Variants in ERICH6B observed in about 807,000 individuals in gnomAD.
ERICH6B encodes the protein glutamate rich 6B.
A neutral mutation model predicts 80.0 loss-of-function variants in ERICH6B; 69 were observed. The observed-to-expected ratio is 0.86, with a 90% confidence interval of 0.71 to 1.05. The LOEUF (loss-of-function observed/expected upper bound fraction) is 1.05, where lower values mean the gene tolerates loss of function less well. Among genes scored for constraint, ERICH6B ranks in the 50% least tolerant of loss-of-function variants. The pLI is 0.00. For synonymous variants in ERICH6B, 283 were observed against 291.9 expected, an observed-to-expected ratio of 0.97 and a Z score of 0.31; for missense variants, 754 against 796.1, an observed-to-expected ratio of 0.95 and a Z score of 0.64.
rs564034224 is a variant in ERICH6B, at chr13:45,546,713, T to C, written c.1647-1728A>G. ...CTTGTACAGACAAACCGGGTTTGTC[T>C]GCCTTGTTTGGTTTCCAGCTCCCTC... is the stretch of plus-strand genomic sequence containing the variant. On this transcript the variant is annotated intron_variant, in intron 13 of 14. Coordinates refer to ENST00000298738, the MANE Select transcript of ERICH6B (RefSeq NM_182542.3). Among the ~76,000 whole-genome samples the C allele has an allele frequency of 9.8e-5, 15 of 152,290 alleles. No homozygotes were observed. The South Asian group carries it at 2.5e-3, about 25-fold the overall frequency.
At chr13:45,606,741 A>G (rs1426484341) in intron 2 of ERICH6B, among the ~76,000 whole-genome samples, 3 of 150,850 alleles carry the variant, frequency 2.0e-5, no homozygotes, top group East Asian at 2.0e-4. Flanking sequence ...TTTAGTAGAG[A>G]CGGGGTTTCA....
intron 1 of ERICH6B, among the ~76,000 whole-genome samples, chr13:45,608,287 CA>C (rs1163289937): frequency 6.6e-6 from 1 of 152,184 alleles, no homozygotes. Context: ...TGCTTGATGG[CA>C]GCACAAAAAT....
At chr13:45,606,497 GTGTATGTGTATATATATATA>G (rs1566307575) in intron 2 of ERICH6B, among the ~76,000 whole-genome samples, 3 of 25,788 alleles carry the variant, frequency 1.2e-4, no homozygotes, top group African/African-American at 3.1e-4. Context: ...GATCCCAAAA[GTGTATGTGTATATATATATA>G]TATATATATA....
intron 8 of ERICH6B, among the ~76,000 whole-genome samples, chr13:45,570,267 C>T (rs1346327957): frequency 6.6e-6 from 1 of 152,096 alleles, no homozygotes; most frequent in African/African-American, 2.4e-5. Context: ...AAAGAATTTT[C>T]ACAGCAAGGT....
chr13:45,590,659 G>C lies in ERICH6B; in HGVS notation c.676C>G (p.Arg226Gly). The change falls in exon 4 of 15, where the codon CGT becomes GGT. Residue 226 changes from arginine to glycine, a missense_variant. By Grantham distance (125) the Arg-to-Gly change is moderately radical. Transcript: ENST00000298738. ...AAAGAAAACTGTTACCTTGCATCACGAAGAAGCATGGTTTGTGATGAATAA... is the reference window on the plus strand; with the variant it reads ...AAAGAAAACTGTTACCTTGCATCACCAAGAAGCATGGTTTGTGATGAATAA... ...ASYSSQTMLL[R>G]DARSPDAGPS... 1 of 1,551,450 alleles carries C rather than the reference G, an allele frequency of 6.4e-7. No homozygotes were observed. The highest frequency in any genetic ancestry group is 8.7e-7 in the Non-Finnish European group (1 of 1,146,904).
chr13:45,608,137 G>T (rs1310080496), intron 1 of ERICH6B, among the ~76,000 whole-genome samples: 1 of 152,180 alleles, frequency 6.6e-6, no homozygotes, highest in African/African-American at 2.4e-5. Flanking sequence ...TTGGGAAGTT[G>T]TGCAATGCCC....
rs542477222 is a variant in ERICH6B at position 45,568,765 on chromosome 13, C to T, written c.1051-314G>A. Among the ~76,000 whole-genome samples the T allele has an allele frequency of 1.4e-4, 22 of 152,214 alleles. 1 individual carries two copies. In the South Asian group the frequency reaches 4.6e-3, roughly 32 times the overall value. On this transcript the variant is annotated intron_variant, in intron 8 of 14. Coordinates refer to ENST00000298738, the MANE Select transcript of ERICH6B (RefSeq NM_182542.3). ...TAAAAAAACAAAAGGAAAAAGAAAA[C>T]GGGACCCATAAGATGGTTAGCAAGA... is the stretch of plus-strand genomic sequence containing the variant.
chr13:45,596,126 A>C (rs1363228990), intron 3 of ERICH6B, among the ~76,000 whole-genome samples: 1 of 152,186 alleles, frequency 6.6e-6, no homozygotes, highest in African/African-American at 2.4e-5. Context: ...TTGTGAGCAG[A>C]ACTTGGTCAG....
chr13:45,596,298 C>G (rs901937731), intron 3 of ERICH6B, 71 bp downstream of exon 3: 8 of 1,468,224 alleles, frequency 5.4e-6, no homozygotes, highest in South Asian at 1.4e-5. Context: ...AGATACTCTT[C>G]TTCATCCAAC....
At chr13:45,579,788 C>T in intron 7 of ERICH6B, 145 bp downstream of exon 7, 1 of 689,844 alleles carries the variant, frequency 1.4e-6, no homozygotes, top group South Asian at 1.9e-5. Flanking sequence ...GGTTTGGGGT[C>T]CGTGTGCCCA....
In ERICH6B at chr13:45,587,076, G is replaced by T; in HGVS notation, c.843C>A (p.Tyr281Ter). 1 of 1,551,602 alleles carries T rather than the reference G, an allele frequency of 6.4e-7. No individual in the cohort carries two copies. The highest frequency in any genetic ancestry group is 2.4e-5 in the East Asian group (1 of 40,908). Residue 281 changes from tyrosine (Y) to a stop codon, truncating the protein, a stop_gained, in exon 5 of 15, where the codon TAC (tyrosine) becomes TAA (stop). Coordinates refer to ENST00000298738, the MANE Select transcript of ERICH6B (RefSeq NM_182542.3). LOFTEE classifies it high-confidence loss of function. ...RSQASQTDWC[Y>*]DRTAVKSLKS... ...AGCTTCCCTCACCGGCAGTTCTGTC[G>T]TAGCACCAGTCTGTCTGACTGGCCT...
intron 5 of ERICH6B, among the ~76,000 whole-genome samples, chr13:45,585,104 C>G (rs1875844164): frequency 6.6e-6 from 1 of 152,210 alleles, no homozygotes; most frequent in Non-Finnish European, 1.5e-5. Context: ...TTGGGACTTT[C>G]ATCAGAGTAT....
rs1876405880 is a variant in ERICH6B, at chr13:45,596,757, T to C, written c.249A>G (p.Glu83=). Residue 83 remains glutamate, a synonymous_variant, in exon 3 of 15, where the codon GAA becomes GAG. Transcript: ENST00000298738. ...YLGKEEYLKE[E]EYLGKEEHLE... ...GATGCTCTTCCTTCCCCAGATACTCTTCCTCCTTCAAGTATTCTTCTTTCC... is the reference window on the plus strand; with the variant it reads ...GATGCTCTTCCTTCCCCAGATACTCCTCCTCCTTCAAGTATTCTTCTTTCC... 7 of 1,551,596 alleles carry C rather than the reference T, an allele frequency of 4.5e-6. No individual in the cohort carries two copies. Among genetic ancestry groups the C allele is most frequent in the Non-Finnish European group, 6.1e-6 (7 of 1,146,986 alleles).
intron 9 of ERICH6B, 54 bp downstream of exon 9, chr13:45,568,261 C>A: frequency 4.1e-5 from 60 of 1,470,952 alleles, no homozygotes; most frequent in Non-Finnish European, 5.3e-5. Context: ...CCTGCTGCCA[C>A]CTCTGGCATA....
At position 45,590,698 on chromosome 13, in the gene ERICH6B, C is replaced by T. The variant is rs1216582162; in HGVS notation, c.638-1G>A. ...TGTGATGAATAACTTGCCTTGGGTT[C>T]TATTGGAAAAAAGAATAAAAAAGCA... On this transcript the variant is annotated splice_acceptor_variant, in intron 3 of 14. Coordinates refer to ENST00000298738, the MANE Select transcript of ERICH6B (RefSeq NM_182542.3). LOFTEE classifies it high-confidence loss of function. 1 of 1,549,104 alleles carries T rather than the reference C, an allele frequency of 6.5e-7. No individual in the cohort carries two copies. Among genetic ancestry groups the T allele is most frequent in the Non-Finnish European group, 8.7e-7 (1 of 1,146,298 alleles).
At position 45,561,526 on chromosome 13, in the gene ERICH6B, G is replaced by A; in HGVS notation, c.1250C>T (p.Ala417Val). 1 of 1,550,888 alleles carries A rather than the reference G, an allele frequency of 6.4e-7. No homozygotes were observed. Among genetic ancestry groups the A allele is most frequent in the Non-Finnish European group, 8.7e-7 (1 of 1,146,760 alleles). ...ACTGGTCATCTCTGTTAACTTTTGA[G>A]CTGCCATTCAATTCAACGATTGCAT... ...TILRIKRRRE[A>V]QKLTEMTSFT... The change falls in exon 11 of 15, where the codon GCT (alanine) becomes GTT (valine). Residue 417 changes from alanine (A) to valine (V), a missense_variant and splice_region_variant. Ala to Val is a moderately conservative substitution (Grantham distance 64, BLOSUM62 0). Coordinates refer to ENST00000298738, the MANE Select transcript of ERICH6B (RefSeq NM_182542.3).
At chr13:45,564,797 C>T (rs1233485935) in intron 9 of ERICH6B, among the ~76,000 whole-genome samples, 1 of 152,210 alleles carries the variant, frequency 6.6e-6, no homozygotes, top group African/African-American at 2.4e-5. Flanking sequence ...ATCCTTTATG[C>T]TCAGAGCAGG....
intron 14 of ERICH6B, among the ~76,000 whole-genome samples, chr13:45,543,254 C>T (rs1873858735): frequency 6.6e-6 from 1 of 152,138 alleles, no homozygotes; most frequent in Admixed American, 6.5e-5. Flanking sequence ...GTCTCAGGAG[C>T]CCACCTTCTT....
intron 13 of ERICH6B, among the ~76,000 whole-genome samples, chr13:45,549,640 G>T (rs1336515218): frequency 6.6e-6 from 1 of 152,226 alleles, no homozygotes; most frequent in Non-Finnish European, 1.5e-5. Flanking sequence ...TTTAGGAGAT[G>T]AAACCAATAG....
Sources: gnomAD v4.1 joint callset for allele counts (sites outside exome capture counted in the v4.1 genomes callset) on GRCh38, gnomAD v4.1.1 for gene constraint, MANE v1.5 for transcripts, NCBI Gene and HGNC (gene_info 2026-07-23, HGNC 2026-07-21) for gene names.